The following ADIPOR2 variants were observed in gnomAD, a reference collection of about 807,000 sequenced individuals.
ADIPOR2 encodes the protein adiponectin receptor protein 2.
ADIPOR2 carries 18 observed loss-of-function variants against 40.9 expected under a neutral mutation model. The observed-to-expected ratio is 0.44, with a 90% CI of 0.30 to 0.65. The LOEUF (loss-of-function observed/expected upper bound fraction) is 0.65. Ranked by LOEUF, ADIPOR2 falls within the 30% of genes least tolerant of loss-of-function variation. The pLI, the probability that ADIPOR2 is intolerant of heterozygous loss-of-function variation, is 0.09. For missense variants in ADIPOR2, 283 were observed against 479.2 expected, an observed-to-expected ratio of 0.59 and a Z score of 3.82; for synonymous variants, 165 against 166.4, an observed-to-expected ratio of 0.99 and a Z score of 0.06.
chr12:1,746,472 A>T lies in ADIPOR2; in HGVS notation c.-86-7786A>T, dbSNP rs2094755220. On this transcript the variant is annotated intron_variant, in intron 1 of 7. Transcript: ENST00000357103. ...CATTGCACTCCACCCTGGGCGACAG[A>T]ACAAGACTGCCTCAAAAACAAAAAA... 2.0e-5 allele frequency among the ~76,000 whole-genome samples: 3 copies of T among 152,312 alleles called. No homozygotes were observed. The South Asian group carries it at 6.2e-4, about 32-fold the overall frequency.
chr12:1,726,737 A>G (rs1443128877), intron 1 of ADIPOR2, among the ~76,000 whole-genome samples: 1 of 151,962 alleles, frequency 6.6e-6, no homozygotes, highest in African/African-American at 2.4e-5. Context: ...TTATGCTAGT[A>G]ATAGTTCTAT....
intron 6 of ADIPOR2, among the ~76,000 whole-genome samples, chr12:1,782,976 C>CTTTTTTTTTTTTTT (rs71055199): frequency 5.5e-5 from 6 of 109,758 alleles, no homozygotes; most frequent in African/African-American, 1.1e-4. Context: ...TTCTTTCTTT[C>CTTTTTTTTTTTTTT]TTTTTTTTTT....
chr12:1,748,918 C>T (rs1565647838), intron 1 of ADIPOR2, among the ~76,000 whole-genome samples: 1 of 151,888 alleles, frequency 6.6e-6, no homozygotes, highest in Non-Finnish European at 1.5e-5. Flanking sequence ...TGTCAGATCC[C>T]ACAGGTTGAG....
At chr12:1,760,443 A>G (rs1862241458) in intron 2 of ADIPOR2, among the ~76,000 whole-genome samples, 1 of 152,126 alleles carries the variant, frequency 6.6e-6, no homozygotes, top group Non-Finnish European at 1.5e-5. Flanking sequence ...CATTTTTATC[A>G]TCCCCTAAAG....
At chr12:1,761,551 C>A (rs910811399) in intron 2 of ADIPOR2, among the ~76,000 whole-genome samples, 1 of 152,180 alleles carries the variant, frequency 6.6e-6, no homozygotes, top group Non-Finnish European at 1.5e-5. Context: ...TATAACTATC[C>A]TAGTGGGTGT....
At chr12:1,702,141 G>GAA (rs34621675) in intron 1 of ADIPOR2, among the ~76,000 whole-genome samples, 2 of 151,768 alleles carry the variant, frequency 1.3e-5, no homozygotes, top group African/African-American at 2.4e-5. Context: ...TGAACAAACA[G>GAA]AAAAAACCCC....
intron 1 of ADIPOR2, among the ~76,000 whole-genome samples, chr12:1,720,621 C>T (rs868302647): frequency 5.3e-5 from 8 of 152,040 alleles, no homozygotes; most frequent in East Asian, 1.9e-4. Flanking sequence ...CTAATGCCAC[C>T]GCTGATTTTA....
Position 1,786,267 on chromosome 12 carries a change from T to C in ADIPOR2, c.*195T>C, listed in dbSNP as rs562083599. The C allele has an allele frequency of 5.7e-5, 35 of 616,522 alleles. No individual in the cohort carries two copies. The South Asian group carries it at 1.0e-3, about 18-fold the overall frequency. 38.2% of individuals were successfully genotyped at this position (616,522 alleles called of 1,614,324 possible). A position where few individuals can be genotyped will look rare whatever the true frequency, so the allele number is the denominator to read the frequency against. On this transcript the variant is annotated 3_prime_UTR_variant, in exon 8 of 8. Transcript: ENST00000357103. ...CAAAAATAAATCATACCTCAAAGGA[T>C]GGAGTGCATCAATTGGGAGAAAAGG...
chr12:1,719,381 A>G (rs2154442060), intron 1 of ADIPOR2, among the ~76,000 whole-genome samples: 1 of 152,314 alleles, frequency 6.6e-6, no homozygotes, highest in Non-Finnish European at 1.5e-5. Flanking sequence ...TTTATTTGAG[A>G]ACAGTTTATG....
chr12:1,743,311 A>T (rs1194652367), intron 1 of ADIPOR2, among the ~76,000 whole-genome samples: 42 of 72,508 alleles, frequency 5.8e-4, no homozygotes, highest in African/African-American at 1.6e-3. Flanking sequence ...GACGCTGTCT[A>T]AAAAAAAAAA....
At chr12:1,707,720 G>A (rs781038301) in intron 1 of ADIPOR2, among the ~76,000 whole-genome samples, 28 of 152,008 alleles carry the variant, frequency 1.8e-4, no homozygotes, top group African/African-American at 5.1e-4. Context: ...TGATCTTCCC[G>A]CCTCAGTCTC....
rs185800027 is a variant in ADIPOR2 at position 1,703,974 on chromosome 12, A to G, written c.-87+12783A>G. Among the ~76,000 whole-genome samples, 177 of 148,566 alleles carry G rather than the reference A, an allele frequency of 1.2e-3. 1 individual carries two copies. The highest frequency in any genetic ancestry group is 6.3e-3 in the South Asian group (29 of 4,628). ...CTGATCCTCCTGCCTCAGCCTCCCA[A>G]AGTGCTGGGATTACAGATGTGAACC... On this transcript the variant is annotated intron_variant, in intron 1 of 7. Coordinates refer to ENST00000357103, the MANE Select transcript of ADIPOR2 (RefSeq NM_024551.3).
At chr12:1,752,190 A>C (rs967546750) in intron 1 of ADIPOR2, among the ~76,000 whole-genome samples, 1 of 144,192 alleles carries the variant, frequency 6.9e-6, no homozygotes, top group East Asian at 2.1e-4. Context: ...CGGCCCCCCA[A>C]AGTGCTGGGA....
intron 2 of ADIPOR2, chr12:1,757,442 C>T: frequency 2.8e-6 from 2 of 725,542 alleles, no homozygotes; most frequent in Non-Finnish European, 5.1e-6. Context: ...TGTTGGTTAT[C>T]ACACCAGTTC....
At chr12:1,706,304 CACATGGTA>C (rs1324382448) in intron 1 of ADIPOR2, among the ~76,000 whole-genome samples, 1 of 152,142 alleles carries the variant, frequency 6.6e-6, no homozygotes, top group Non-Finnish European at 1.5e-5. Flanking sequence ...CTTTATCTGG[CACATGGTA>C]ACATGGTAAC....
At chr12:1,741,923 TAA>T (rs2094743639) in intron 1 of ADIPOR2, among the ~76,000 whole-genome samples, 2 of 152,136 alleles carry the variant, frequency 1.3e-5, no homozygotes, top group Admixed American at 1.3e-4. Context: ...TGGAATAGGT[TAA>T]GAGTGTCTTC....
In ADIPOR2 at chr12:1,786,245, A is replaced by C. The variant is rs1037177031; in HGVS notation, c.*173A>C. 1.5e-4 allele frequency: 111 copies of C among 737,500 alleles called. No individual in the cohort carries two copies. Among genetic ancestry groups the C allele is most frequent in the Non-Finnish European group, 2.1e-4 (101 of 480,398 alleles). The allele number at this position is 737,500 out of a possible 1,614,324, so 45.7% of individuals were successfully genotyped here. A position where few individuals can be genotyped will look rare whatever the true frequency, so the allele number is the denominator to read the frequency against. ...TACATGACTGAGAAGAGAAAAACAAAAATAAATCATACCTCAAAGGATGGA... is the reference window on the plus strand; with the variant it reads ...TACATGACTGAGAAGAGAAAAACAACAATAAATCATACCTCAAAGGATGGA... On this transcript the variant is annotated 3_prime_UTR_variant, in exon 8 of 8. Transcript: ENST00000357103.
intron 1 of ADIPOR2, among the ~76,000 whole-genome samples, chr12:1,711,357 G>A (rs980731129): frequency 6.6e-6 from 1 of 152,046 alleles, no homozygotes; most frequent in African/African-American, 2.4e-5. Context: ...TAGTTGTATG[G>A]CCCTGTGCTG....
At chr12:1,694,668 C>G (rs1056837415) in intron 1 of ADIPOR2, among the ~76,000 whole-genome samples, 3 of 151,678 alleles carry the variant, frequency 2.0e-5, no homozygotes, top group African/African-American at 4.8e-5. Flanking sequence ...AAAAAAATTC[C>G]TTCTCATGCG....
Sources: gnomAD v4.1 joint callset for allele counts (sites outside exome capture counted in the v4.1 genomes callset) on GRCh38, gnomAD v4.1.1 for gene constraint, MANE v1.5 for transcripts, NCBI Gene and HGNC (gene_info 2026-07-23, HGNC 2026-07-21) for gene names.